The following FRMPD3 variants were observed in gnomAD, a reference collection of about 807,000 sequenced individuals.
FRMPD3 encodes the protein FERM and PDZ domain-containing protein 3.
In FRMPD3, 42 loss-of-function variants were observed where a neutral mutation model predicts 97.9. The observed-to-expected ratio is 0.43, with a 90% CI of 0.34 to 0.55. The LOEUF (loss-of-function observed/expected upper bound fraction) is 0.55, where lower values mean the gene tolerates loss of function less well. Among genes scored for constraint, FRMPD3 ranks in the 20% least tolerant of loss-of-function variants. FRMPD3 has a pLI of 0.03. For synonymous variants in FRMPD3, 577 were observed against 581.1 expected, an observed-to-expected ratio of 0.99 and a Z score of 0.10; for missense variants, 1,303 against 1,457.7, an observed-to-expected ratio of 0.89 and a Z score of 1.73.
At chrX:107,482,661 A>G (rs1160441618) in intron 1 of FRMPD3, among the ~76,000 whole-genome samples, 1 of 111,774 alleles carries the variant, frequency 8.9e-6, no homozygotes, top group Non-Finnish European at 1.9e-5. Flanking sequence ...ATATAGGGAA[A>G]TGGAGGATCA....
chrX:107,463,467 A>G (rs748632475), intron 1 of FRMPD3, among the ~76,000 whole-genome samples: 1 of 112,437 alleles, frequency 8.9e-6, no homozygotes, highest in South Asian at 3.8e-4. Context: ...CTATTTCAGG[A>G]GGCTATTGTT....
intron 1 of FRMPD3, among the ~76,000 whole-genome samples, chrX:107,461,719 G>A (rs186288147): frequency 2.2e-3 from 237 of 109,162 alleles, no homozygotes; most frequent in African/African-American, 7.6e-3. Flanking sequence ...TCCTCCTCCT[G>A]GTATATGAGG....
chrX:107,512,019 C>CT lies in FRMPD3; in HGVS notation c.-7-14553dup, dbSNP rs201149743. 6.9e-3 allele frequency among the ~76,000 whole-genome samples: 735 copies of CT among 106,774 alleles called. 7 individuals carry two copies. Among genetic ancestry groups the CT allele is most frequent in the African/African-American group, 0.021 (612 of 29,492 alleles). 92.7% of individuals were successfully genotyped at this position (106,774 alleles called of 115,157 possible). On this transcript the variant is annotated intron_variant, in intron 1 of 14. Transcript: ENST00000683843. ...TGGAATTCTCTCCACTTCCTACTTTCTTTTTTTTTTGATCTCCTCTTTCAC... is the reference window on the plus strand; with the variant it reads ...TGGAATTCTCTCCACTTCCTACTTTCTTTTTTTTTTTGATCTCCTCTTTCAC...
At chrX:107,453,141 T>G (rs1271290441) in intron 1 of FRMPD3, among the ~76,000 whole-genome samples, 1 of 111,532 alleles carries the variant, frequency 9.0e-6, no homozygotes, top group Non-Finnish European at 1.9e-5. Context: ...GAAAGATCCC[T>G]GTTTTTGTGG....
intron 1 of FRMPD3, among the ~76,000 whole-genome samples, chrX:107,508,839 A>G (rs897661725): frequency 2.7e-5 from 3 of 112,001 alleles, no homozygotes; most frequent in African/African-American, 9.7e-5. Context: ...TGTAACATCA[A>G]TAAGTTGTTC....
intron 8 of FRMPD3, among the ~76,000 whole-genome samples, chrX:107,558,513 T>G (rs1922204926): frequency 9.0e-6 from 1 of 111,222 alleles, no homozygotes; most frequent in South Asian, 3.8e-4. Flanking sequence ...GATTTTTGTG[T>G]ATTGATCTTA....
chrX:107,533,370 C>G, intron 3 of FRMPD3, 135 bp from the exon 4 acceptor site: 1 of 481,025 alleles, frequency 2.1e-6, no homozygotes, highest in Non-Finnish European at 3.5e-6. Context: ...AGTGTCCATG[C>G]AGACACTCAG....
At chrX:107,457,879 C>A (rs905359890) in intron 1 of FRMPD3, among the ~76,000 whole-genome samples, 1 of 111,760 alleles carries the variant, frequency 8.9e-6, no homozygotes, top group African/African-American at 3.3e-5. Flanking sequence ...TCTGCTCCCC[C>A]CTCCCTGCTC....
chrX:107,477,314 G>A (rs1331426854), intron 1 of FRMPD3, among the ~76,000 whole-genome samples: 1 of 106,574 alleles, frequency 9.4e-6, no homozygotes, highest in African/African-American at 3.4e-5. Flanking sequence ...CAGTGATTCT[G>A]CAGGCAGAGC....
chrX:107,469,763 GA>G (rs1921011872), intron 1 of FRMPD3, among the ~76,000 whole-genome samples: 1 of 112,434 alleles, frequency 8.9e-6, no homozygotes, highest in African/African-American at 3.2e-5. Context: ...TAATAATTGT[GA>G]AGTGCATAGA....
intron 5 of FRMPD3, among the ~76,000 whole-genome samples, chrX:107,547,279 A>G: frequency 9.0e-6 from 1 of 111,159 alleles, no homozygotes; most frequent in Non-Finnish European, 1.9e-5. Context: ...CCATCTCAAC[A>G]TTGCAGAGTA....
chrX:107,602,687 T>C lies in FRMPD3; in HGVS notation c.4648T>C (p.Cys1550Arg), dbSNP rs753871060. The change falls in exon 15 of 15, where the codon TGC (cysteine) becomes CGC (arginine). Residue 1550 changes from cysteine (C) to arginine (R), a missense_variant. Transcript: ENST00000683843. ...CCTGCAGGTGCTGGATGCTGCTACC[T>C]GCAGCAGCAGCAGCCCTGAGGCCTC... ...RTLQVLDAAT[C>R]SSSSPEASRT... The C allele has an allele frequency of 3.3e-6, 4 of 1,209,297 alleles. No individual in the cohort carries two copies. The highest frequency in any genetic ancestry group is 2.3e-4 in the Middle Eastern group (1 of 4,352).
chrX:107,479,891 G>T (rs1422568584), intron 1 of FRMPD3, among the ~76,000 whole-genome samples: 2 of 107,859 alleles, frequency 1.9e-5, no homozygotes, highest in Non-Finnish European at 3.8e-5. Flanking sequence ...GTGCAAAACT[G>T]GCCAAAATTT....
rs1921760117 is a variant in FRMPD3 at position 107,495,739 on chromosome X, C to T, written c.-7-30843C>T. Among the ~76,000 whole-genome samples the T allele has an allele frequency of 8.0e-5, 9 of 112,337 alleles. No homozygotes were observed. In the South Asian group the frequency reaches 2.6e-3, roughly 32 times the overall value. On this transcript the variant is annotated intron_variant, in intron 1 of 14. Coordinates refer to ENST00000683843, the MANE Select transcript of FRMPD3 (RefSeq NM_001388459.1). ...CTGGTTCTCAATCCAGCCAAAGCCACGGACCCATAATCTGGATTACTCTTC... is the reference window on the plus strand; with the variant it reads ...CTGGTTCTCAATCCAGCCAAAGCCATGGACCCATAATCTGGATTACTCTTC...
At chrX:107,456,572 T>C (rs1931380903) in intron 1 of FRMPD3, among the ~76,000 whole-genome samples, 1 of 112,269 alleles carries the variant, frequency 8.9e-6, no homozygotes, top group Non-Finnish European at 1.9e-5. Flanking sequence ...CTAACAAAAG[T>C]AACAATAATG....
intron 8 of FRMPD3, among the ~76,000 whole-genome samples, chrX:107,558,292 A>T (rs1442755715): frequency 9.0e-6 from 1 of 110,616 alleles, no homozygotes; most frequent in Admixed American, 9.7e-5. Context: ...AATGATTTTG[A>T]TTTTAATTCC....
At chrX:107,463,130 T>C (rs1442190633) in intron 1 of FRMPD3, among the ~76,000 whole-genome samples, 1 of 112,762 alleles carries the variant, frequency 8.9e-6, no homozygotes, top group Admixed American at 9.4e-5. Context: ...AATATTAATA[T>C]GTACTTGCTA....
At chrX:107,582,503 T>C (rs768221762) in intron 13 of FRMPD3, among the ~76,000 whole-genome samples, 1 of 112,622 alleles carries the variant, frequency 8.9e-6, no homozygotes, top group South Asian at 3.7e-4. Flanking sequence ...CATTTATTAA[T>C]ATGTCTGTCA....
At chrX:107,547,912 C>T (rs1317510413) in intron 5 of FRMPD3, among the ~76,000 whole-genome samples, 2 of 111,622 alleles carry the variant, frequency 1.8e-5, no homozygotes, top group African/African-American at 3.3e-5. Flanking sequence ...GATCCGGGGC[C>T]GCTGGGCCTG....
Sources: gnomAD v4.1 joint callset for allele counts (sites outside exome capture counted in the v4.1 genomes callset) on GRCh38, gnomAD v4.1.1 for gene constraint, MANE v1.5 for transcripts, NCBI Gene and HGNC (gene_info 2026-07-23, HGNC 2026-07-21) for gene names.